ERP44: variants seen among roughly 807,000 people sequenced by gnomAD.
ERP44 encodes endoplasmic reticulum resident protein 44.
In ERP44, 25 loss-of-function variants were observed where a neutral mutation model predicts 53.4. That is an observed-to-expected ratio of 0.47 (90% CI 0.34 to 0.65). The LOEUF (loss-of-function observed/expected upper bound fraction) is 0.65, where lower values mean the gene tolerates loss of function less well. Among genes scored for constraint, ERP44 ranks in the 30% least tolerant of loss-of-function variants. ERP44 has a pLI of 0.01. For missense variants in ERP44, 338 were observed against 493.2 expected (o/e 0.69, Z 2.98); for synonymous variants, 145 against 161.2 (o/e 0.90, Z 0.76).
chr9:100,000,203 G>A (rs1830361924), intron 10 of ERP44, among the ~76,000 whole-genome samples: 1 of 152,018 alleles, frequency 6.6e-6, no homozygotes, highest in Non-Finnish European at 1.5e-5. Context: ...GGCCGTAAGT[G>A]GGAGGATCAC....
At chr9:99,998,917 C>G in intron 10 of ERP44, 2 of 1,596,444 alleles carry the variant, frequency 1.3e-6, no homozygotes, top group African/African-American at 1.3e-5. Context: ...TCAGGGTTGG[C>G]ACTGGTCTTC....
intron 1 of ERP44, among the ~76,000 whole-genome samples, chr9:100,070,356 T>C (rs1190720686): frequency 1.3e-5 from 2 of 152,214 alleles, no homozygotes; most frequent in Admixed American, 6.5e-5. Flanking sequence ...AAACTTCATT[T>C]TCACATTAAA....
rs192713731 is a variant in ERP44, at chr9:100,015,625, A to C, written c.762+697T>G. ...AAACAGAAAAATCTTCTAGTGGCAA[A>C]GGATTATTCATTGTATAGAAATAAT... On this transcript the variant is annotated intron_variant, in intron 8 of 11. Transcript: ENST00000262455. Among the ~76,000 whole-genome samples the C allele has an allele frequency of 2.0e-5, 3 of 152,360 alleles. No homozygotes were observed. The East Asian group carries it at 5.8e-4, about 29-fold the overall frequency.
chr9:100,012,408 G>C (rs1303734917), intron 8 of ERP44, among the ~76,000 whole-genome samples: 2 of 152,060 alleles, frequency 1.3e-5, no homozygotes, highest in Non-Finnish European at 2.9e-5. Flanking sequence ...AAACAAGTAG[G>C]ATGTCCCAGT....
intron 1 of ERP44, among the ~76,000 whole-genome samples, chr9:100,063,444 T>C (rs1244498208): frequency 1.3e-5 from 2 of 152,136 alleles, no homozygotes; most frequent in African/African-American, 4.8e-5. Context: ...TAAGCTCCAC[T>C]AGTCGGACAA....
At chr9:99,993,018 GCAAA>G (rs1345148919) in intron 10 of ERP44, among the ~76,000 whole-genome samples, 1 of 152,092 alleles carries the variant, frequency 6.6e-6, no homozygotes, top group East Asian at 1.9e-4. Flanking sequence ...AAAAGAGGAC[GCAAA>G]CAAATGGAAG....
At chr9:100,029,812 G>A (rs999906684) in intron 4 of ERP44, among the ~76,000 whole-genome samples, 2 of 152,180 alleles carry the variant, frequency 1.3e-5, no homozygotes, top group African/African-American at 2.4e-5. Context: ...ATGTGGGGCC[G>A]GGTGCGGTGG....
chr9:100,076,314 G>A (rs1199413331), intron 1 of ERP44, among the ~76,000 whole-genome samples: 3 of 152,208 alleles, frequency 2.0e-5, no homozygotes, highest in African/African-American at 7.2e-5. Context: ...ATGAGGAAGT[G>A]GCTCAAATGC....
intron 4 of ERP44, among the ~76,000 whole-genome samples, chr9:100,036,564 C>T (rs1018274910): frequency 6.6e-6 from 1 of 152,178 alleles, no homozygotes; most frequent in African/African-American, 2.4e-5. Context: ...AGCAGGTTGA[C>T]AGGTGCAGTT....
intron 4 of ERP44, among the ~76,000 whole-genome samples, chr9:100,041,446 G>T (rs183436735): frequency 4.3e-4 from 65 of 152,196 alleles, no homozygotes; most frequent in African/African-American, 1.4e-3. Context: ...GAGGCTGGTG[G>T]ATCACGAGAT....
intron 4 of ERP44, among the ~76,000 whole-genome samples, chr9:100,026,335 T>C (rs951976422): frequency 6.6e-6 from 1 of 152,150 alleles, no homozygotes; most frequent in Non-Finnish European, 1.5e-5. Context: ...TGCCAGATTT[T>C]GAAGCCACAA....
chr9:100,062,104 G>T (rs931812431), intron 1 of ERP44, among the ~76,000 whole-genome samples: 2 of 152,196 alleles, frequency 1.3e-5, no homozygotes, highest in African/African-American at 2.4e-5. Context: ...ATACCAAGAA[G>T]AATCTAAACT....
rs752645556 is a variant in ERP44 at position 100,057,782 on chromosome 9, T to C, written c.170+38A>G. The C allele has an allele frequency of 3.9e-6, 6 of 1,548,068 alleles. No individual in the cohort carries two copies. The South Asian group carries it at 7.0e-5, about 18-fold the overall frequency. On this transcript the variant is annotated intron_variant, in intron 3 of 11. Coordinates refer to ENST00000262455, the MANE Select transcript of ERP44 (RefSeq NM_015051.3). ...CAAAGAAAAATTAACCTTTAGCAAGTAAAAACAAAACCAAACCCAAACAAT... is the reference window on the plus strand; with the variant it reads ...CAAAGAAAAATTAACCTTTAGCAAGCAAAAACAAAACCAAACCCAAACAAT...
intron 4 of ERP44, among the ~76,000 whole-genome samples, chr9:100,034,990 A>G (rs998603447): frequency 2.0e-5 from 3 of 152,238 alleles, no homozygotes; most frequent in African/African-American, 7.2e-5. Flanking sequence ...TCTCTATTCA[A>G]TAAATGGTAT....
intron 10 of ERP44, among the ~76,000 whole-genome samples, chr9:100,002,949 T>C (rs1830393412): frequency 1.3e-5 from 2 of 152,154 alleles, no homozygotes; most frequent in Non-Finnish European, 2.9e-5. Flanking sequence ...AACTTGAATA[T>C]TTACTCTTTT....
intron 1 of ERP44, among the ~76,000 whole-genome samples, chr9:100,079,933 T>C (rs183446090): frequency 2.0e-3 from 243 of 123,722 alleles, no homozygotes; most frequent in Admixed American, 2.9e-3. Flanking sequence ...AGTGCTGTCT[T>C]TAAAAAAAAC....
At chr9:100,037,835 G>C (rs1350804654) in intron 4 of ERP44, among the ~76,000 whole-genome samples, 2 of 152,128 alleles carry the variant, frequency 1.3e-5, no homozygotes, top group Non-Finnish European at 2.9e-5. Flanking sequence ...ATAACCAGCA[G>C]CAAGAGAAAA....
chr9:100,081,836 G>A (rs1349325248), intron 1 of ERP44, among the ~76,000 whole-genome samples: 3 of 152,068 alleles, frequency 2.0e-5, no homozygotes, highest in African/African-American at 7.2e-5. Flanking sequence ...TAGGAAAAAC[G>A]TTGTAGGTAT....
At chr9:100,052,015 A>G (rs1411215153) in intron 4 of ERP44, among the ~76,000 whole-genome samples, 1 of 152,218 alleles carries the variant, frequency 6.6e-6, no homozygotes, top group African/African-American at 2.4e-5. Context: ...ATTTGAAATG[A>G]CTATAAATGG....
Sources: gnomAD v4.1 joint callset for allele counts (sites outside exome capture counted in the v4.1 genomes callset) on GRCh38, gnomAD v4.1.1 for gene constraint, MANE v1.5 for transcripts, NCBI Gene and HGNC (gene_info 2026-07-23, HGNC 2026-07-21) for gene names.